The following KLK1 variants were observed in gnomAD, a reference collection of about 807,000 sequenced individuals.
The protein encoded by KLK1 is kallikrein-1.
In KLK1, 22 loss-of-function variants were observed where a neutral mutation model predicts 23.3. The ratio of observed to expected loss-of-function variants is 0.95; its 90% CI spans 0.68 to 1.35. The LOEUF (loss-of-function observed/expected upper bound fraction) is 1.35. Ranked by LOEUF, KLK1 falls within the 40% of genes most tolerant of loss-of-function variation. KLK1 has a pLI of 0.00. For synonymous variants in KLK1, 140 were observed against 135.8 expected (o/e 1.03, Z -0.21); for missense variants, 301 against 338.9 (o/e 0.89, Z 0.88).
At position 50,821,859 on chromosome 19, in the gene KLK1, G is replaced by A. The variant is rs775012727; in HGVS notation, c.59C>T (p.Pro20Leu). ...GCCTCCCACAATCCGGGACTGAATC[G>A]GGGGCGCAGCACCTGCAGAGGCGGT... The part of the protein sequence containing the change: ...LSLGGTGAAP[P>L]IQSRIVGGWE... The change falls in exon 2 of 5, where the codon CCG becomes CTG. Residue 20 changes from proline (P) to leucine (L), a missense_variant. By Grantham distance (98) the Pro-to-Leu change is moderately conservative (BLOSUM62 -3). Transcript: ENST00000301420. This position sits in a 1 kb window ranked among gnomAD's most constrained non-coding sequence, Gnocchi z 5.6. The A allele has an allele frequency of 9.3e-6, 15 of 1,609,924 alleles. No individual in the cohort carries two copies. The highest frequency in any genetic ancestry group is 1.3e-5 in the Non-Finnish European group (15 of 1,177,624).
At position 50,821,689 on chromosome 19, in the gene KLK1, C is replaced by T; in HGVS notation, c.206+23G>A. Reference sequence around the variant, plus strand: ...CTGTGGCAGCATAGATGCCCTCCTCCCAGACCCCAGGCCCCTACTCACTCG... The same window carrying T: ...CTGTGGCAGCATAGATGCCCTCCTCTCAGACCCCAGGCCCCTACTCACTCG... On this transcript the variant is annotated intron_variant, in intron 2 of 4. Transcript: ENST00000301420. The surrounding 1 kb of genome is among the most constrained non-coding windows in gnomAD (Gnocchi z 5.6). 1 of 1,562,892 alleles carries T rather than the reference C, an allele frequency of 6.4e-7. No homozygotes were observed. Among genetic ancestry groups the T allele is most frequent in the Non-Finnish European group, 8.7e-7 (1 of 1,150,884 alleles).
intron 2 of KLK1, chr19:50,820,716 A>G: frequency 2.9e-6 from 1 of 346,584 alleles, no homozygotes; most frequent in Non-Finnish European, 5.2e-6. Flanking sequence ...GGGCAGTGAG[A>G]AACAGGGTGA....
At chr19:50,823,630 T>C (rs2089842362) in intron 1 of KLK1, 73 bp downstream of exon 1, 8 of 998,306 alleles carry the variant, frequency 8.0e-6, no homozygotes, top group Non-Finnish European at 1.1e-5. Flanking sequence ...GGGAAGGTCT[T>C]ATCGGGGGGG....
At chr19:50,822,118 A>G in intron 1 of KLK1, 7 of 1,286,958 alleles carry the variant, frequency 5.4e-6, no homozygotes, top group Non-Finnish European at 6.9e-6. Flanking sequence ...GCCTCCAGGG[A>G]TCAGGGTAGG....
At chr19:50,822,086 T>A (rs1180188923) in intron 1 of KLK1, 1 of 1,343,140 alleles carries the variant, frequency 7.4e-7, no homozygotes, top group Non-Finnish European at 9.5e-7. Context: ...GTGGGGAGAT[T>A]TTGTGCTCTG....
At chr19:50,823,406 G>A (rs1004002971) in intron 1 of KLK1, among the ~76,000 whole-genome samples, 4 of 152,080 alleles carry the variant, frequency 2.6e-5, no homozygotes, top group African/African-American at 9.7e-5. Flanking sequence ...CTGCCCCTTT[G>A]GTAAAGCGGT....
intron 1 of KLK1, 29 bp downstream of exon 1, chr19:50,823,673 TC>T: frequency 6.7e-7 from 1 of 1,485,180 alleles, no homozygotes. Context: ...CAGGGCCCGT[TC>T]CCCCTCCCAC....
At position 50,819,369 on chromosome 19, in the gene KLK1, G is replaced by A. The variant is rs753919924; in HGVS notation, c.634-20C>T. The stretch of plus-strand genomic sequence containing the variant: ...ATCACCCTGGGAGCACAAGGTGGGA[G>A]GGGAGAGTGAGAAAGGTCTACGGGG... On this transcript the variant is annotated intron_variant, in intron 4 of 4. Transcript: ENST00000301420. 1.3e-6 allele frequency: 2 copies of A among 1,594,856 alleles called. No homozygotes were observed. Among genetic ancestry groups the A allele is most frequent in the Non-Finnish European group, 8.6e-7 (1 of 1,166,696 alleles).
intron 1 of KLK1, 77 bp downstream of exon 1, chr19:50,823,626 G>A: frequency 1.1e-6 from 1 of 949,344 alleles, no homozygotes; most frequent in Admixed American, 1.9e-5. Flanking sequence ...GGAGGGGAAG[G>A]TCTTATCGGG....
At chr19:50,822,758 G>C (rs1259709284) in intron 1 of KLK1, 1 of 985,162 alleles carries the variant, frequency 1.0e-6, no homozygotes, top group Non-Finnish European at 1.2e-6. Flanking sequence ...AGGATATGGG[G>C]TCCTCTTGGA....
intron 4 of KLK1, 105 bp downstream of exon 4, chr19:50,819,794 G>T (rs1380202130): frequency 1.7e-6 from 2 of 1,156,100 alleles, no homozygotes; most frequent in Non-Finnish European, 2.5e-6. Flanking sequence ...GCTACAGCTA[G>T]CTGGGAAGCA....
chr19:50,820,502 A>AATG, intron 2 of KLK1, 59 bp from the exon 3 acceptor site: 1 of 205,688 alleles, frequency 4.9e-6, no homozygotes. Flanking sequence ...GGGATGGGGC[A>AATG]GGGGAGCATG....
Position 50,821,554 on chromosome 19 carries a change from C to G in KLK1, c.206+158G>C, listed in dbSNP as rs374609928. On this transcript the variant is annotated intron_variant, in intron 2 of 4. Transcript: ENST00000301420. This position sits in a 1 kb window ranked among gnomAD's most constrained non-coding sequence, Gnocchi z 5.6. ...CCCAGGCAGCCTTGGAGAGGGGTGTCCAGCCCAGCTCTGCCCTGCCAGGCG... is the reference window on the plus strand; with the variant it reads ...CCCAGGCAGCCTTGGAGAGGGGTGTGCAGCCCAGCTCTGCCCTGCCAGGCG... 3.9e-5 allele frequency among the ~76,000 whole-genome samples: 6 copies of G among 152,218 alleles called. No homozygotes were observed. Among genetic ancestry groups the G allele is most frequent in the Middle Eastern group, 3.4e-3 (1 of 294 alleles).
At chr19:50,819,541 A>G (rs1239980841) in intron 4 of KLK1, among the ~76,000 whole-genome samples, 192 bp from the exon 5 acceptor site, 1 of 152,166 alleles carries the variant, frequency 6.6e-6, no homozygotes, top group Admixed American at 6.5e-5. Flanking sequence ...GCTCCTGCAC[A>G]TGGGGCAGGG....
At position 50,819,349 on chromosome 19, in the gene KLK1, C is replaced by A. The variant is rs1174370278; in HGVS notation, c.634G>T (p.Gly212Cys). 1 of 1,606,502 alleles carries A rather than the reference C, an allele frequency of 6.2e-7. No homozygotes were observed. The highest frequency in any genetic ancestry group is 1.7e-5 in the Admixed American group (1 of 59,642). ...CACATCAGCGGGCCCCCTGAATCAC[C>A]CTGGGAGCACAAGGTGGGAGGGGAG... ...HLEGGKDTCV[G>C]DSGGPLMCDG... The change falls in exon 5 of 5, where the codon GGT becomes TGT. Residue 212 changes from glycine to cysteine, a missense_variant and splice_region_variant. By Grantham distance (159) the Gly-to-Cys change is radical. Coordinates refer to ENST00000301420, the MANE Select transcript of KLK1 (RefSeq NM_002257.4).
chr19:50,820,032 G>GA lies in KLK1; in HGVS notation c.499dup (p.Ser167PhefsTer5). 6.2e-7 allele frequency: 1 copy of GA among 1,614,156 alleles called. No homozygotes were observed. The highest frequency in any genetic ancestry group is 1.1e-5 in the South Asian group (1 of 91,064). ...CACACACTGGAGATCATCTGGAAAT[G>GA]AGACTACGAACCCGGGAGAAAAAGG... On this transcript the variant is annotated frameshift_variant, in exon 4 of 5. Transcript: ENST00000301420. LOFTEE classifies it high-confidence loss of function.
chr19:50,822,755 G>C (rs528369540), intron 1 of KLK1: 2 of 985,188 alleles, frequency 2.0e-6, no homozygotes, highest in Non-Finnish European at 2.4e-6. Context: ...GGAAGGATAT[G>C]GGGTCCTCTT....
rs780265054 is a variant in KLK1 at position 50,820,421 on chromosome 19, G to A, written c.229C>T (p.Arg77Cys). ...TTTTCGTCGTCAAACAAGTTGTGGC[G>A]ACCCAGCCAGAGCTGGTAATTGCTG... ...ISDNYQLWLG[R>C]HNLFDDENTA... The change falls in exon 3 of 5, where the codon CGC (arginine) becomes TGC (cysteine). Residue 77 changes from arginine to cysteine, a missense_variant. Coordinates refer to ENST00000301420, the MANE Select transcript of KLK1 (RefSeq NM_002257.4). 8.2e-5 allele frequency: 130 copies of A among 1,589,148 alleles called. No individual in the cohort carries two copies. Among genetic ancestry groups the A allele is most frequent in the East Asian group, 1.6e-4 (7 of 43,150 alleles).
intron 4 of KLK1, 110 bp from the exon 5 acceptor site, chr19:50,819,459 G>T: frequency 9.1e-7 from 1 of 1,099,062 alleles, no homozygotes; most frequent in Non-Finnish European, 1.3e-6. Flanking sequence ...CCCAGAGGAA[G>T]GTGGGCAGGG....
Sources: gnomAD v4.1 joint callset for allele counts (sites outside exome capture counted in the v4.1 genomes callset) on GRCh38, gnomAD v4.1.1 for gene constraint, Gnocchi (gnomAD v3.1) non-coding constraint, MANE v1.5 for transcripts, NCBI Gene and HGNC (gene_info 2026-07-23, HGNC 2026-07-21) for gene names.